TJP1: variants seen among roughly 807,000 people sequenced by gnomAD.
TJP1 encodes the protein tight junction protein ZO-1.
TJP1 carries 43 observed loss-of-function variants against 194.2 expected under a neutral mutation model. The observed-to-expected ratio is 0.22, with a 90% CI of 0.17 to 0.29. The LOEUF (loss-of-function observed/expected upper bound fraction) is 0.29. TJP1 is among the 10% of genes least tolerant of loss of function. The pLI, the probability that TJP1 is intolerant of heterozygous loss-of-function variation, is 1.00. For missense variants in TJP1, 1,971 were observed against 2,185.7 expected (o/e 0.90, Z 1.96); for synonymous variants, 801 against 779.0 (o/e 1.03, Z -0.47).
At chr15:29,798,233 A>C (rs1306312239) in intron 2 of TJP1, among the ~76,000 whole-genome samples, 1 of 150,390 alleles carries the variant, frequency 6.6e-6, no homozygotes, top group Admixed American at 6.6e-5. Flanking sequence ...TCCCTCCCAA[A>C]GTGCTGGGAT....
At chr15:29,749,828 C>G (rs1254062797) in intron 8 of TJP1, among the ~76,000 whole-genome samples, 2 of 152,106 alleles carry the variant, frequency 1.3e-5, no homozygotes, top group East Asian at 1.9e-4. Flanking sequence ...GTAGCTGCTC[C>G]TTCTATCTGT....
intron 2 of TJP1, among the ~76,000 whole-genome samples, chr15:29,921,904 G>A (rs551128828): frequency 7.4e-4 from 111 of 150,426 alleles, no homozygotes; most frequent in South Asian, 4.0e-3. Context: ...GAGTACAATG[G>A]CGCGATCTCG....
rs988595461 is a variant in TJP1, at chr15:29,821,904, C to A, written c.27+98G>T. The stretch of plus-strand genomic sequence containing the variant: ...CCACCCCGCCGCCCCGGGGCCCAGA[C>A]AGCCGCCAGCGAGGGAGGGCGGGAC... On this transcript the variant is annotated intron_variant, in intron 1 of 27. Coordinates refer to ENST00000614355, the MANE Select transcript of TJP1 (RefSeq NM_001330239.4). 11 of 1,092,716 alleles carry A rather than the reference C, an allele frequency of 1.0e-5. No homozygotes were observed. In the East Asian group the frequency reaches 5.5e-4, roughly 55 times the overall value. The allele number at this position is 1,092,716 out of a possible 1,614,324, so 67.7% of individuals were successfully genotyped here.
At chr15:29,821,760 C>T (rs1243814869) in intron 1 of TJP1, among the ~76,000 whole-genome samples, 2 of 151,004 alleles carry the variant, frequency 1.3e-5, no homozygotes, top group African/African-American at 2.4e-5. Flanking sequence ...CTGCCCAGTA[C>T]GGCGGCCGGG....
intron 1 of TJP1, among the ~76,000 whole-genome samples, chr15:29,957,351 T>C (rs1229655181): frequency 6.6e-6 from 1 of 152,160 alleles, no homozygotes; most frequent in Non-Finnish European, 1.5e-5. Flanking sequence ...TAAAAAGATA[T>C]AAAAATGGAA....
intron 2 of TJP1, among the ~76,000 whole-genome samples, chr15:29,873,492 G>C (rs1237457326): frequency 1.3e-5 from 2 of 152,200 alleles, no homozygotes; most frequent in Non-Finnish European, 2.9e-5. Flanking sequence ...GTGTGCAAGA[G>C]CAAACTGTTT....
intron 9 of TJP1, 111 bp downstream of exon 9, chr15:29,742,531 T>G (rs1337654246): frequency 3.1e-6 from 4 of 1,278,560 alleles, no homozygotes; most frequent in Non-Finnish European, 4.1e-6. Flanking sequence ...TGCAGACAAA[T>G]TCACACATGA....
At chr15:29,702,639 A>G (rs554137144) in intron 27 of TJP1, among the ~76,000 whole-genome samples, 1 of 152,346 alleles carries the variant, frequency 6.6e-6, no homozygotes, top group African/African-American at 2.4e-5. Context: ...TCATTTGGCC[A>G]AAATGTCAAC....
rs45601837 is a variant in TJP1, at chr15:29,808,330, T to A, written c.28-7628A>T. Among the ~76,000 whole-genome samples, 1,346 of 152,278 alleles carry A rather than the reference T, an allele frequency of 8.8e-3. 8 individuals are homozygous for A. The highest frequency in any genetic ancestry group is 0.014 in the Non-Finnish European group (961 of 68,004). On this transcript the variant is annotated intron_variant, in intron 1 of 27. Coordinates refer to ENST00000614355, the MANE Select transcript of TJP1 (RefSeq NM_001330239.4). ...ACACTGTTAGAAGTTGGGACAGGGT[T>A]ACCTTTGTGTATGAAGTAACTCGAA...
At chr15:29,758,682 C>G (rs980018263) in intron 8 of TJP1, among the ~76,000 whole-genome samples, 3 of 152,184 alleles carry the variant, frequency 2.0e-5, no homozygotes, top group Non-Finnish European at 4.4e-5. Flanking sequence ...CGTGAATCAT[C>G]AAAGGTGCTA....
chr15:29,774,787 A>G (rs2046913159), intron 2 of TJP1, among the ~76,000 whole-genome samples: 1 of 152,116 alleles, frequency 6.6e-6, no homozygotes, highest in Non-Finnish European at 1.5e-5. Flanking sequence ...GTTAATATGA[A>G]AAAAGAAAAT....
intron 2 of TJP1, among the ~76,000 whole-genome samples, chr15:29,899,751 G>T (rs545073602): frequency 6.6e-6 from 1 of 152,158 alleles, no homozygotes. Flanking sequence ...GTTAGTCCCT[G>T]AAGAAAATCA....
chr15:29,818,402 T>C (rs1347574527), intron 1 of TJP1, among the ~76,000 whole-genome samples: 1 of 152,258 alleles, frequency 6.6e-6, no homozygotes, highest in East Asian at 1.9e-4. Context: ...ACCACCCTAA[T>C]TCTTGTTTTT....
At position 29,855,790 on chromosome 15, in the gene TJP1, AG is replaced by A. The variant is rs1434857308; in HGVS notation, c.307-55089del. On this transcript the variant is annotated intron_variant, in intron 2 of 28. Transcript: ENST00000356107. ...AGAATCGCTTGAACTCAGGAGATGG[AG>A]GCTTCAGTGAGCCGAGATAACAACA... Among the ~76,000 whole-genome samples, 10 of 152,080 alleles carry A rather than the reference AG, an allele frequency of 6.6e-5. No individual in the cohort carries two copies. The East Asian group carries it at 1.8e-3, about 27-fold the overall frequency.
intron 2 of TJP1, among the ~76,000 whole-genome samples, chr15:29,854,589 G>T (rs180704964): frequency 6.6e-6 from 1 of 152,160 alleles, no homozygotes; most frequent in African/African-American, 2.4e-5. Context: ...CTCTCCCTCA[G>T]GGCGTGTGAC....
chr15:29,721,771 A>G (rs1410332463), intron 18 of TJP1, among the ~76,000 whole-genome samples: 1 of 152,220 alleles, frequency 6.6e-6, no homozygotes, highest in Non-Finnish European at 1.5e-5. Context: ...TATGGACAAT[A>G]AAGTCCAGGC....
At position 29,761,602 on chromosome 15, in the gene TJP1, G is replaced by A. The variant is rs146140703; in HGVS notation, c.861C>T (p.Asp287=). ...SIHSANASER[D]DISEIQSLAS... ...ACGTTCAAACAGAATCACACTCACC[G>A]TCTCTCTCAGAGGCATTAGCAGAGT... Residue 287 remains aspartate (D), a splice_region_variant and synonymous_variant, in exon 7 of 28, where the codon GAC becomes GAT. Coordinates refer to ENST00000614355, the MANE Select transcript of TJP1 (RefSeq NM_001330239.4). The A allele has an allele frequency of 3.7e-5, 59 of 1,591,178 alleles. No homozygotes were observed. In the African/African-American group the frequency reaches 5.2e-4, roughly 14 times the overall value.
chr15:29,784,140 A>G (rs1202564362), intron 2 of TJP1, among the ~76,000 whole-genome samples: 1 of 152,100 alleles, frequency 6.6e-6, no homozygotes, highest in African/African-American at 2.4e-5. Flanking sequence ...AACAAAAAAA[A>G]CTTCGCTGAT....
At chr15:29,885,297 G>A (rs1038727800) in intron 2 of TJP1, among the ~76,000 whole-genome samples, 1 of 152,180 alleles carries the variant, frequency 6.6e-6, no homozygotes, top group East Asian at 1.9e-4. Context: ...CAGCTACCAG[G>A]GTCATGCAGC....
Sources: allele counts gnomAD v4.1 joint callset (sites outside exome capture counted in the v4.1 genomes callset), GRCh38; gene constraint gnomAD v4.1.1; transcripts MANE v1.5; gene names NCBI Gene and HGNC (gene_info 2026-07-23, HGNC 2026-07-21).